Variants in PTPRM observed in about 807,000 individuals in gnomAD.
PTPRM encodes the protein protein tyrosine phosphatase receptor type M.
A neutral mutation model predicts 186.7 loss-of-function variants in PTPRM; 47 were observed. That is an observed-to-expected ratio of 0.25 (90% CI 0.20 to 0.32). PTPRM has a LOEUF of 0.32. Ranked by LOEUF, PTPRM falls within the 10% of genes least tolerant of loss-of-function variation. PTPRM has a pLI of 1.00. For synonymous variants in PTPRM, 668 were observed against 674.9 expected, an observed-to-expected ratio of 0.99 and a Z score of 0.16; for missense variants, 1,494 against 1,865.0, an observed-to-expected ratio of 0.80 and a Z score of 3.66.
chr18:8,001,103 C>T (rs564954194), intron 7 of PTPRM, among the ~76,000 whole-genome samples: 2 of 152,278 alleles, frequency 1.3e-5, no homozygotes, highest in Middle Eastern at 3.4e-3. Context: ...TGAAGGAGAG[C>T]AGGGTAACAT....
chr18:7,903,049 G>A (rs1019454674), intron 3 of PTPRM, among the ~76,000 whole-genome samples: 3 of 152,206 alleles, frequency 2.0e-5, no homozygotes, highest in Non-Finnish European at 2.9e-5. Context: ...TTCAGACATT[G>A]TAGTTGATAA....
chr18:7,718,008 A>G (rs1216081165), intron 1 of PTPRM, among the ~76,000 whole-genome samples: 1 of 152,088 alleles, frequency 6.6e-6, no homozygotes, highest in South Asian at 2.1e-4. Context: ...TGAAGGGGTC[A>G]GGGAAATATC....
intron 7 of PTPRM, among the ~76,000 whole-genome samples, chr18:7,980,821 G>C (rs1489730017): frequency 6.6e-6 from 1 of 152,074 alleles, no homozygotes; most frequent in Non-Finnish European, 1.5e-5. Context: ...TCTTCTCACA[G>C]CCAGGCATGC....
At chr18:8,357,501 G>A (rs11661181) in intron 23 of PTPRM, among the ~76,000 whole-genome samples, 32,948 of 152,072 alleles carry the variant, frequency 0.22, 3,932 homozygotes, top group Non-Finnish European at 0.27. Flanking sequence ...TGATCAGCAG[G>A]GCCGCAGCGG....
chr18:8,355,955 C>A (rs1043960779), intron 23 of PTPRM, among the ~76,000 whole-genome samples: 1 of 152,150 alleles, frequency 6.6e-6, no homozygotes, highest in African/African-American at 2.4e-5. Context: ...AAGGATAGAA[C>A]CTCCGACTCC....
chr18:8,086,266 G>T (rs573742026), intron 10 of PTPRM, among the ~76,000 whole-genome samples: 7 of 152,110 alleles, frequency 4.6e-5, no homozygotes, highest in Non-Finnish European at 1.0e-4. Flanking sequence ...CTTCCTGAAG[G>T]ATCAGCCTCC....
intron 7 of PTPRM, among the ~76,000 whole-genome samples, chr18:7,984,582 T>TGCCCC (rs2082735147): frequency 2.6e-5 from 3 of 117,556 alleles, no homozygotes; most frequent in Non-Finnish European, 1.7e-5. Context: ...CATATATATA[T>TGCCCC]ATATATATAT....
At chr18:7,985,096 ATT>A (rs1491310916) in intron 7 of PTPRM, among the ~76,000 whole-genome samples, 7 of 129,596 alleles carry the variant, frequency 5.4e-5, no homozygotes, top group African/African-American at 1.8e-4. Flanking sequence ...TATACATATA[ATT>A]ATATATACAT....
chr18:7,803,037 A>G (rs922312092), intron 2 of PTPRM, among the ~76,000 whole-genome samples: 11 of 152,224 alleles, frequency 7.2e-5, no homozygotes, highest in African/African-American at 2.7e-4. Context: ...GAAAGGGGGT[A>G]GTATCCAATC....
chr18:8,289,076 C>T (rs978977116), intron 19 of PTPRM, among the ~76,000 whole-genome samples: 5 of 152,074 alleles, frequency 3.3e-5, no homozygotes, highest in Admixed American at 6.5e-5. Flanking sequence ...CAAATGGAGG[C>T]GCACTAAGTT....
chr18:7,905,427 C>T (rs981220507), intron 3 of PTPRM, among the ~76,000 whole-genome samples: 2 of 152,226 alleles, frequency 1.3e-5, no homozygotes, highest in African/African-American at 4.8e-5. Context: ...GAAGAGCTAA[C>T]GCCCTCTTGA....
At chr18:8,113,882 G>A in intron 12 of PTPRM, 123 bp downstream of exon 12, 1 of 1,008,238 alleles carries the variant, frequency 9.9e-7, no homozygotes, top group Non-Finnish European at 1.4e-6. Flanking sequence ...AAACAAATGT[G>A]ATTTTCTTCT....
At chr18:7,619,780 G>C (rs2037893818) in intron 1 of PTPRM, among the ~76,000 whole-genome samples, 1 of 152,184 alleles carries the variant, frequency 6.6e-6, no homozygotes, top group Non-Finnish European at 1.5e-5. Context: ...TGCGCATAGA[G>C]TAGATAGCAG....
At chr18:7,848,439 T>G (rs2046705219) in intron 2 of PTPRM, among the ~76,000 whole-genome samples, 1 of 152,204 alleles carries the variant, frequency 6.6e-6, no homozygotes, top group African/African-American at 2.4e-5. Flanking sequence ...ATTTAGTGTC[T>G]TCATTTTCAT....
chr18:7,643,393 G>A (rs1050942873), intron 1 of PTPRM, among the ~76,000 whole-genome samples: 1 of 152,078 alleles, frequency 6.6e-6, no homozygotes, highest in African/African-American at 2.4e-5. Context: ...AGGCTGGAGT[G>A]CAGTGGTGCA....
intron 1 of PTPRM, among the ~76,000 whole-genome samples, chr18:7,687,897 C>T (rs979064715): frequency 1.3e-5 from 2 of 151,798 alleles, no homozygotes; most frequent in African/African-American, 4.8e-5. Context: ...CCTGCTTCAG[C>T]CTCCCGAATA....
chr18:8,114,905 GA>G, intron 13 of PTPRM, 78 bp downstream of exon 13: 1 of 1,133,668 alleles, frequency 8.8e-7, no homozygotes, highest in Non-Finnish European at 1.3e-6. Flanking sequence ...AAAACTTTTT[GA>G]ACTGGAACTT....
chr18:8,105,967 G>A (rs546412340), intron 11 of PTPRM, among the ~76,000 whole-genome samples: 1 of 152,038 alleles, frequency 6.6e-6, no homozygotes, highest in South Asian at 2.1e-4. Flanking sequence ...GATTTGGAAA[G>A]AGAGAGGAGA....
intron 14 of PTPRM, among the ~76,000 whole-genome samples, chr18:8,243,711 T>C (rs2094452664): frequency 6.6e-6 from 1 of 152,256 alleles, no homozygotes; most frequent in Non-Finnish European, 1.5e-5. Flanking sequence ...ACTTAGTAAC[T>C]CTAGGAGTGT....
Sources: gnomAD v4.1 joint callset for allele counts (sites outside exome capture counted in the v4.1 genomes callset) on GRCh38, gnomAD v4.1.1 for gene constraint, MANE v1.5 for transcripts, NCBI Gene and HGNC (gene_info 2026-07-23, HGNC 2026-07-21) for gene names.